CSTPP1: variants seen among roughly 807,000 people sequenced by gnomAD.
CSTPP1 encodes UPF0705 protein C11orf49.
chr11:47,122,138 G>A, the CSTPP1 span, among the ~76,000 whole-genome samples: 1 of 123,116 alleles, frequency 8.1e-6, no homozygotes, highest in Non-Finnish European at 1.7e-5. Context: ...TGAGATCTAT[G>A]GAGGATATTG....
chr11:46,986,575 G>A, the CSTPP1 span, among the ~76,000 whole-genome samples: 2 of 151,746 alleles, frequency 1.3e-5, no homozygotes, highest in Non-Finnish European at 2.9e-5. Context: ...TTCCCCTGCC[G>A]CAGCTTCCTG....
the CSTPP1 span, among the ~76,000 whole-genome samples, chr11:47,097,428 AG>A: frequency 2.1e-5 from 1 of 46,658 alleles, no homozygotes; most frequent in East Asian, 6.6e-4. Flanking sequence ...CTGCCCGGCC[AG>A]CCGCCCCGTC....
At chr11:47,134,308 C>G in the CSTPP1 span, among the ~76,000 whole-genome samples, 1 of 152,150 alleles carries the variant, frequency 6.6e-6, no homozygotes, top group Non-Finnish European at 1.5e-5. Flanking sequence ...AGAGATTCTC[C>G]TGCCCCCCAA....
chr11:46,946,590 G>A, the CSTPP1 span, among the ~76,000 whole-genome samples: 5 of 152,200 alleles, frequency 3.3e-5, no homozygotes, highest in African/African-American at 7.2e-5. Context: ...CCCGGGAGGC[G>A]GAGCTTGCAG....
At chr11:47,074,501 GAAAAAAAAA>G in the CSTPP1 span, among the ~76,000 whole-genome samples, 19 of 115,194 alleles carry the variant, frequency 1.6e-4, no homozygotes, top group African/African-American at 6.1e-4. Context: ...TCCTGTCTCA[GAAAAAAAAA>G]AAAAAAAAAA....
chr11:47,061,957 C>T, the CSTPP1 span, among the ~76,000 whole-genome samples: 7 of 152,076 alleles, frequency 4.6e-5, no homozygotes, highest in Admixed American at 2.6e-4. Context: ...GGGGCTCTTA[C>T]GCAAGCATTC....
At chr11:47,105,454 T>G in the CSTPP1 span, among the ~76,000 whole-genome samples, 1 of 152,018 alleles carries the variant, frequency 6.6e-6, no homozygotes, top group Non-Finnish European at 1.5e-5. Flanking sequence ...TGAGCCATGA[T>G]CATACAACTG....
chr11:47,155,495 T>C, the CSTPP1 span: 1 of 576,732 alleles, frequency 1.7e-6, no homozygotes, highest in Non-Finnish European at 3.1e-6. Flanking sequence ...CGCAGTGTTT[T>C]CAGTCAGCAA....
chr11:47,046,354 A>G, the CSTPP1 span, among the ~76,000 whole-genome samples: 2 of 151,924 alleles, frequency 1.3e-5, no homozygotes, highest in Non-Finnish European at 2.9e-5. Context: ...AGAGCAACAC[A>G]TAAAAATCAG....
chr11:47,158,291 C>T, the CSTPP1 span, among the ~76,000 whole-genome samples: 2 of 152,072 alleles, frequency 1.3e-5, no homozygotes, highest in Admixed American at 1.3e-4. Flanking sequence ...AGACCTGAAT[C>T]CCATTTATAA....
the CSTPP1 span, among the ~76,000 whole-genome samples, chr11:47,113,800 C>G: frequency 6.6e-6 from 1 of 152,144 alleles, no homozygotes; most frequent in Non-Finnish European, 1.5e-5. Context: ...TTTAGGTTGC[C>G]TGTTCACTCT....
the CSTPP1 span, among the ~76,000 whole-genome samples, chr11:47,019,263 G>T: frequency 6.6e-6 from 1 of 152,100 alleles, no homozygotes. Flanking sequence ...GCTCGCCTCG[G>T]CCTTACCAAA....
the CSTPP1 span, among the ~76,000 whole-genome samples, chr11:47,031,153 G>A: frequency 6.6e-6 from 1 of 152,178 alleles, no homozygotes; most frequent in East Asian, 1.9e-4. Context: ...AAATTAAGAT[G>A]TTTATGTGGA....
At chr11:46,952,420 T>C in the CSTPP1 span, among the ~76,000 whole-genome samples, 7 of 152,236 alleles carry the variant, frequency 4.6e-5, no homozygotes, top group African/African-American at 9.6e-5. Context: ...GGAATTTTAG[T>C]CTAATGGACA....
the CSTPP1 span, among the ~76,000 whole-genome samples, chr11:47,039,443 CAGAGGGAGACCGTGGAGAGAGGG>C: frequency 2.6e-3 from 332 of 127,348 alleles, 22 homozygotes; most frequent in African/African-American, 7.5e-3. Flanking sequence ...AGCTCCGCAT[CAGAGGGAGACCGTGGAGAGAGGG>C]AGAGGGAGAC....
At chr11:47,143,923 T>C in the CSTPP1 span, among the ~76,000 whole-genome samples, 1 of 152,200 alleles carries the variant, frequency 6.6e-6, no homozygotes, top group Non-Finnish European at 1.5e-5. Context: ...CAGAGTAAAC[T>C]TGTCATAATC....
the CSTPP1 span, among the ~76,000 whole-genome samples, chr11:47,017,295 C>T: frequency 8.6e-5 from 13 of 151,216 alleles, no homozygotes; most frequent in African/African-American, 2.7e-4. Flanking sequence ...CCACCTCAAT[C>T]ACCCGAGTAG....
the CSTPP1 span, among the ~76,000 whole-genome samples, chr11:46,977,396 T>A: frequency 0.17 from 25,147 of 152,262 alleles, 2,689 homozygotes; most frequent in South Asian, 0.33. Flanking sequence ...ACAAAGTTTT[T>A]AAAAGACCTG....
At chr11:47,126,171 T>C in the CSTPP1 span, among the ~76,000 whole-genome samples, 1 of 152,178 alleles carries the variant, frequency 6.6e-6, no homozygotes, top group Admixed American at 6.5e-5. Context: ...TATTTTCTTA[T>C]AGGCATCAGT....
Sources: gnomAD v4.1 joint callset for allele counts (sites outside exome capture counted in the v4.1 genomes callset) on GRCh38, gnomAD v4.1.1 for gene constraint, MANE v1.5 for transcripts, NCBI Gene and HGNC (gene_info 2026-07-23, HGNC 2026-07-21) for gene names.